MEAF6: variants seen among roughly 807,000 people sequenced by gnomAD.
The protein encoded by MEAF6 is MYST/Esa1 associated factor 6.
In MEAF6, 15 loss-of-function variants were observed where a neutral mutation model predicts 28.9. That is an observed-to-expected ratio of 0.52 (90% CI 0.35 to 0.80). MEAF6 has a LOEUF of 0.80. Among genes scored for constraint, MEAF6 ranks in the 30% least tolerant of loss-of-function variants. MEAF6 has a pLI of 0.01. For synonymous variants in MEAF6, 97 were observed against 88.7 expected (o/e 1.09, Z -0.53); for missense variants, 178 against 237.5 (o/e 0.75, Z 1.65).
chr1:37,494,107 C>T lies in MEAF6; in HGVS notation c.568G>A (p.Asp190Asn), dbSNP rs1642032631. 2.5e-6 allele frequency: 4 copies of T among 1,612,326 alleles called. No homozygotes were observed. The highest frequency in any genetic ancestry group is 1.7e-5 in the Admixed American group (1 of 59,674). Residue 190 changes from aspartate (D) to asparagine (N), a missense_variant and splice_region_variant, in exon 7 of 7, where the codon GAC becomes AAC. Physicochemically the swap from Asp to Asn is conservative, Grantham distance 23 (BLOSUM62 1). Transcript: ENST00000296214. ...DLKLNKKPRA[D>N]Y is the part of the protein sequence containing the mutation. ...CTGCACTAATGTGTCTTCTAATAGTCCTAAAGAAAGAAAAACAAAAGTCCC... is the reference window on the plus strand; with the variant it reads ...CTGCACTAATGTGTCTTCTAATAGTTCTAAAGAAAGAAAAACAAAAGTCCC...
At chr1:37,495,713 A>C (rs1422839078) in intron 6 of MEAF6, among the ~76,000 whole-genome samples, 172 bp downstream of exon 6, 7 of 134,068 alleles carry the variant, frequency 5.2e-5, no homozygotes, top group African/African-American at 1.6e-4. Flanking sequence ...ACAAAAAAAA[A>C]AAAAAACAAA....
intron 1 of MEAF6, 21 bp downstream of exon 1, chr1:37,514,636 A>G: frequency 6.7e-7 from 1 of 1,499,256 alleles, no homozygotes. Flanking sequence ...ATGCCGTGCA[A>G]CCCCTGTCCT....
At chr1:37,508,157 G>A (rs1449821124) in intron 4 of MEAF6, among the ~76,000 whole-genome samples, 1 of 151,442 alleles carries the variant, frequency 6.6e-6, no homozygotes, top group Non-Finnish European at 1.5e-5. Flanking sequence ...CTGGAAATTA[G>A]ACTGTATGGC....
chr1:37,503,834 G>A (rs753226803), intron 4 of MEAF6, among the ~76,000 whole-genome samples: 9 of 152,028 alleles, frequency 5.9e-5, no homozygotes, highest in Non-Finnish European at 1.3e-4. Context: ...GGCGGCAGGC[G>A]CCTGTAATCC....
At chr1:37,494,836 CA>C (rs931602285) in intron 6 of MEAF6, among the ~76,000 whole-genome samples, 4 of 145,624 alleles carry the variant, frequency 2.7e-5, no homozygotes, top group Non-Finnish European at 4.6e-5. Flanking sequence ...GTCACACACA[CA>C]AAAAAAAAAT....
intron 1 of MEAF6, 57 bp from the exon 2 acceptor site, chr1:37,513,595 C>G (rs1642736300): frequency 1.5e-6 from 2 of 1,360,762 alleles, no homozygotes; most frequent in Non-Finnish European, 2.1e-6. Flanking sequence ...ACACTTAAGT[C>G]TGGCCAAAAT....
At chr1:37,513,233 A>G (rs1033856910) in intron 2 of MEAF6, among the ~76,000 whole-genome samples, 190 bp downstream of exon 2, 3 of 152,170 alleles carry the variant, frequency 2.0e-5, no homozygotes, top group South Asian at 2.1e-4. Context: ...AACTTTCGCT[A>G]TTTTACAGAT....
chr1:37,514,487 T>A (rs1344118715), intron 1 of MEAF6, 170 bp downstream of exon 1: 4 of 394,926 alleles, frequency 1.0e-5, no homozygotes, highest in Non-Finnish European at 1.7e-5. Flanking sequence ...GCCGGGAAGC[T>A]GAACCGCCGG....
rs183104504 is a variant in MEAF6 at position 37,508,243 on chromosome 1, C to T, written c.340+1035G>A. Among the ~76,000 whole-genome samples, 326 of 143,106 alleles carry T rather than the reference C, an allele frequency of 2.3e-3. 4 individuals are homozygous for T. Among genetic ancestry groups the T allele is most frequent in the Middle Eastern group, 7.9e-3 (2 of 252 alleles). 93.9% of individuals were successfully genotyped at this position (143,106 alleles called of 152,430 possible). A position where few individuals can be genotyped will look rare whatever the true frequency, so the allele number is the denominator to read the frequency against. Reference sequence around the variant, plus strand: ...TTTCCATTTTATACTTAAGAACATACAGGTACATCCTATTTACAGGATGAG... The same window carrying T: ...TTTCCATTTTATACTTAAGAACATATAGGTACATCCTATTTACAGGATGAG... On this transcript the variant is annotated intron_variant, in intron 4 of 6. Transcript: ENST00000296214.
At chr1:37,495,703 A>AC (rs1642104613) in intron 6 of MEAF6, among the ~76,000 whole-genome samples, 182 bp downstream of exon 6, 3 of 113,006 alleles carry the variant, frequency 2.7e-5, no homozygotes, top group South Asian at 2.6e-4. Context: ...AAAACAAAAA[A>AC]CAAAAAAAAA....
intron 2 of MEAF6, among the ~76,000 whole-genome samples, chr1:37,511,478 A>G (rs975391480): frequency 2.0e-5 from 3 of 152,258 alleles, no homozygotes; most frequent in African/African-American, 7.2e-5. Flanking sequence ...TAGAGGGAGC[A>G]GTATATTCAT....
chr1:37,510,737 T>C (rs982050470), intron 2 of MEAF6, among the ~76,000 whole-genome samples: 1 of 151,956 alleles, frequency 6.6e-6, no homozygotes, highest in Admixed American at 6.6e-5. Context: ...TATATATTTT[T>C]TTGAGACGGA....
chr1:37,497,745 C>G lies in MEAF6; in HGVS notation c.534-1827G>C, dbSNP rs138208606. 4.2e-3 allele frequency among the ~76,000 whole-genome samples: 643 copies of G among 152,200 alleles called. 1 individual carries two copies. Among genetic ancestry groups the G allele is most frequent in the African/African-American group, 0.014 (581 of 41,506 alleles). ...CAGCTGGGATTACAGGCGCCTGCCACTAGGTCCAGCTAATTTTTGTATTTT... is the reference window on the plus strand; with the variant it reads ...CAGCTGGGATTACAGGCGCCTGCCAGTAGGTCCAGCTAATTTTTGTATTTT... On this transcript the variant is annotated intron_variant, in intron 5 of 6. Coordinates refer to ENST00000296214, the MANE Select transcript of MEAF6 (RefSeq NM_001270875.3).
Position 37,500,237 on chromosome 1 carries a change from A to C in MEAF6, c.533+1567T>G, listed in dbSNP as rs141139422. The stretch of plus-strand genomic sequence containing the variant: ...TTTGAACCCAGGAAGCAGAGGCTGC[A>C]GGGGCTGAGATCGTGCCACTGCACT... On this transcript the variant is annotated intron_variant, in intron 5 of 6. Coordinates refer to ENST00000296214, the MANE Select transcript of MEAF6 (RefSeq NM_001270875.3). Among the ~76,000 whole-genome samples, 1,438 of 152,242 alleles carry C rather than the reference A, an allele frequency of 9.4e-3. 22 individuals are homozygous for C. The highest frequency in any genetic ancestry group is 0.032 in the African/African-American group (1,329 of 41,546).
chr1:37,504,855 A>T (rs1204075284), intron 4 of MEAF6, among the ~76,000 whole-genome samples: 2 of 151,842 alleles, frequency 1.3e-5, no homozygotes, highest in Admixed American at 1.3e-4. Flanking sequence ...TTGTCAAAAA[A>T]GGTCATGTGG....
chr1:37,501,257 T>C (rs540671036), intron 5 of MEAF6, among the ~76,000 whole-genome samples: 3 of 152,322 alleles, frequency 2.0e-5, no homozygotes, highest in Admixed American at 1.3e-4. Context: ...ACAGGCTTTA[T>C]ACTGTTCCTC....
intron 6 of MEAF6, among the ~76,000 whole-genome samples, 188 bp downstream of exon 6, chr1:37,495,697 C>CAACAAAA (rs1642101872): frequency 2.2e-5 from 2 of 92,676 alleles, no homozygotes; most frequent in African/African-American, 8.1e-5. Flanking sequence ...AAAAAAAAAA[C>CAACAAAA]AAAAAACAAA....
intron 4 of MEAF6, among the ~76,000 whole-genome samples, chr1:37,502,367 T>A (rs1272355630): frequency 6.6e-6 from 1 of 152,034 alleles, no homozygotes; most frequent in African/African-American, 2.4e-5. Context: ...TGAGATACTG[T>A]GCCTGATCTA....
Position 37,492,560 on chromosome 1 carries a change from C to CAAAAAAAAAAAAAAA in MEAF6, c.*1524_*1538dup, listed in dbSNP as rs35527783. The stretch of plus-strand genomic sequence containing the variant: ...AGTCAAAGATCTAAATAGCCAGAGT[C>CAAAAAAAAAAAAAAA]AAAAAAAAAAAAAAAAAAAAACCCA... On this transcript the variant is annotated 3_prime_UTR_variant, in exon 7 of 7. Transcript: ENST00000296214. 2 of 73,090 alleles carry CAAAAAAAAAAAAAAA rather than the reference C, an allele frequency of 2.7e-5. No individual in the cohort carries two copies. The highest frequency in any genetic ancestry group is 2.5e-5 in the Non-Finnish European group (1 of 40,204). The allele number at this position is 73,090 out of a possible 1,614,324, so 4.5% of individuals were successfully genotyped here.
Sources: allele counts gnomAD v4.1 joint callset (sites outside exome capture counted in the v4.1 genomes callset), GRCh38; gene constraint gnomAD v4.1.1; transcripts MANE v1.5; gene names NCBI Gene and HGNC (gene_info 2026-07-23, HGNC 2026-07-21).